Variants in AXDND1 observed in about 807,000 individuals in gnomAD.
AXDND1 encodes the protein axonemal dynein light chain domain containing 1.
Under a neutral mutation model 137.5 loss-of-function variants are expected in AXDND1, and 110 were observed. The ratio of observed to expected loss-of-function variants is 0.80; its 90% confidence interval spans 0.69 to 0.94. AXDND1 has a LOEUF of 0.94. AXDND1 is among the 40% of genes least tolerant of loss of function. The pLI, the probability that AXDND1 is intolerant of heterozygous loss-of-function variation, is 0.00. For synonymous variants in AXDND1, 414 were observed against 399.7 expected, an observed-to-expected ratio of 1.04 and a Z score of -0.43; for missense variants, 1,191 against 1,169.8, an observed-to-expected ratio of 1.02 and a Z score of -0.26.
intron 17 of AXDND1, among the ~76,000 whole-genome samples, chr1:179,471,034 G>A (rs959873238): frequency 7.2e-5 from 11 of 151,964 alleles, no homozygotes; most frequent in African/African-American, 2.4e-4. Flanking sequence ...ATGTTCATAT[G>A]ATGTATTACA....
intron 24 of AXDND1, 156 bp from the exon 25 acceptor site, chr1:179,534,574 C>G (rs1671334879): frequency 1.1e-6 from 1 of 895,412 alleles, no homozygotes; most frequent in South Asian, 2.8e-5. Context: ...CTCCTGGGCC[C>G]CCAGTTCTCA....
chr1:179,372,368 C>G (rs12073970), intron 4 of AXDND1, among the ~76,000 whole-genome samples: 2 of 151,976 alleles, frequency 1.3e-5, no homozygotes, highest in Non-Finnish European at 2.9e-5. Flanking sequence ...AGTACCTGTG[C>G]GAATAACTCC....
At chr1:179,547,227 G>T (rs192431420) in intron 25 of AXDND1, among the ~76,000 whole-genome samples, 1 of 152,190 alleles carries the variant, frequency 6.6e-6, no homozygotes, top group Admixed American at 6.5e-5. Flanking sequence ...CTGCAAAACT[G>T]CAGTGCTTGC....
At chr1:179,370,107 C>T (rs1324842023) in intron 4 of AXDND1, 29 bp downstream of exon 4, 4 of 1,533,892 alleles carry the variant, frequency 2.6e-6, no homozygotes, top group East Asian at 2.3e-5. Context: ...AGGATAGATG[C>T]TGATAAATAG....
intron 11 of AXDND1, among the ~76,000 whole-genome samples, chr1:179,400,772 G>A (rs1651868914): frequency 6.6e-6 from 1 of 151,194 alleles, no homozygotes; most frequent in Admixed American, 6.6e-5. Context: ...GGGCATGGTG[G>A]CAGGCGCCTG....
In AXDND1 at chr1:179,367,388, G is replaced by A. The variant is rs1667546423; in HGVS notation, c.97+782G>A. 2.0e-5 allele frequency among the ~76,000 whole-genome samples: 3 copies of A among 152,078 alleles called. No homozygotes were observed. In the South Asian group the frequency reaches 6.2e-4, roughly 31 times the overall value. On this transcript the variant is annotated intron_variant, in intron 2 of 25. Transcript: ENST00000367618. Reference sequence around the variant, plus strand: ...AATTAGGGGGGGCGTGGTGGCTCGTGCCTGTAGTCCCAGCTACTCAGGAGG... The same window carrying A: ...AATTAGGGGGGGCGTGGTGGCTCGTACCTGTAGTCCCAGCTACTCAGGAGG...
chr1:179,538,886 T>C (rs544698152), intron 25 of AXDND1, among the ~76,000 whole-genome samples: 1 of 152,200 alleles, frequency 6.6e-6, no homozygotes, highest in Non-Finnish European at 1.5e-5. Flanking sequence ...CTGTATTGGG[T>C]GCATATATAT....
At position 179,473,993 on chromosome 1, in the gene AXDND1, G is replaced by A. The variant is rs544847469; in HGVS notation, c.1997+5352G>A. Reference sequence around the variant, plus strand: ...AATCCTAACATTTTGGGAGGCCAACGTGGGCGGATCACCTGAGGTCAGGCG... The same window carrying A: ...AATCCTAACATTTTGGGAGGCCAACATGGGCGGATCACCTGAGGTCAGGCG... On this transcript the variant is annotated intron_variant, in intron 17 of 25. Transcript: ENST00000367618. Among the ~76,000 whole-genome samples the A allele has an allele frequency of 5.3e-5, 8 of 152,226 alleles. 1 individual carries two copies. In the South Asian group the frequency reaches 1.0e-3, roughly 20 times the overall value.
At chr1:179,390,559 T>C (rs769605689) in intron 9 of AXDND1, among the ~76,000 whole-genome samples, 2 of 151,330 alleles carry the variant, frequency 1.3e-5, no homozygotes, top group Non-Finnish European at 2.9e-5. Flanking sequence ...TGCTGTTAGA[T>C]GTTGTAAAAA....
chr1:179,401,122 G>A (rs1411386517), intron 11 of AXDND1, among the ~76,000 whole-genome samples: 2 of 151,302 alleles, frequency 1.3e-5, no homozygotes, highest in African/African-American at 4.9e-5. Flanking sequence ...GCCAGGTGTG[G>A]TGCCACATGC....
At chr1:179,455,924 A>G (rs1358791061) in intron 16 of AXDND1, 2 of 255,488 alleles carry the variant, frequency 7.8e-6, no homozygotes, top group East Asian at 9.5e-5. Flanking sequence ...CAATCAGACT[A>G]TTACATTTAG....
chr1:179,526,335 C>A (rs1417475281), intron 22 of AXDND1, among the ~76,000 whole-genome samples: 1 of 152,134 alleles, frequency 6.6e-6, no homozygotes, highest in Non-Finnish European at 1.5e-5. Flanking sequence ...CATATTATCT[C>A]TTATCTATGC....
At chr1:179,490,564 TAAC>T in intron 18 of AXDND1, among the ~76,000 whole-genome samples, 1 of 152,230 alleles carries the variant, frequency 6.6e-6, no homozygotes, top group African/African-American at 2.4e-5. Flanking sequence ...TTTAATGTCC[TAAC>T]AATTTATTAA....
chr1:179,472,677 G>T (rs560618669), intron 17 of AXDND1, among the ~76,000 whole-genome samples: 15 of 152,066 alleles, frequency 9.9e-5, no homozygotes, highest in African/African-American at 3.6e-4. Context: ...TTGGTACTTT[G>T]TTATTAGGTG....
At chr1:179,480,639 T>C (rs1169778252) in intron 17 of AXDND1, among the ~76,000 whole-genome samples, 1 of 152,232 alleles carries the variant, frequency 6.6e-6, no homozygotes, top group Non-Finnish European at 1.5e-5. Context: ...TTATCATGCC[T>C]TGTAAGGTTT....
rs1427943344 is a variant in AXDND1 at position 179,488,620 on chromosome 1, C to CTT, written c.2092-2917_2092-2916insTT. Among the ~76,000 whole-genome samples, 73 of 69,892 alleles carry CTT rather than the reference C, an allele frequency of 1.0e-3. 3 individuals are homozygous for CTT. The highest frequency in any genetic ancestry group is 1.2e-4 in the Non-Finnish European group (4 of 34,118). The allele number at this position is 69,892 out of a possible 152,430, so 45.9% of individuals were successfully genotyped here. On this transcript the variant is annotated intron_variant, in intron 18 of 25. Transcript: ENST00000367618. ...TTTCTTTCTTTTTCTTTCTTTCTTT[C>CTT]TCTCTCTCTCTCTCCTTTCTTTCTT...
At chr1:179,464,205 A>C (rs1007105986) in intron 16 of AXDND1, among the ~76,000 whole-genome samples, 2 of 152,192 alleles carry the variant, frequency 1.3e-5, no homozygotes, top group African/African-American at 4.8e-5. Flanking sequence ...GTTTCTTCCT[A>C]GCATCAATGG....
chr1:179,367,971 C>CTTT (rs563605841), intron 2 of AXDND1, among the ~76,000 whole-genome samples: 3 of 146,550 alleles, frequency 2.0e-5, no homozygotes, highest in African/African-American at 7.5e-5. Flanking sequence ...CCCCACCCAA[C>CTTT]TTTTTTTTTT....
chr1:179,446,416 A>G (rs999222934), intron 16 of AXDND1, among the ~76,000 whole-genome samples: 2 of 152,220 alleles, frequency 1.3e-5, no homozygotes, highest in Non-Finnish European at 2.9e-5. Flanking sequence ...GTAACATTCT[A>G]TATAAGTGGT....
Sources: allele counts gnomAD v4.1 joint callset (sites outside exome capture counted in the v4.1 genomes callset), GRCh38; gene constraint gnomAD v4.1.1; transcripts MANE v1.5; gene names NCBI Gene and HGNC (gene_info 2026-07-23, HGNC 2026-07-21).